DDX43: variants seen among roughly 807,000 people sequenced by gnomAD.
DDX43 encodes the protein probable ATP-dependent RNA helicase DDX43.
DDX43 carries 50 observed loss-of-function variants against 84.9 expected under a neutral mutation model. The ratio of observed to expected loss-of-function variants is 0.59; its 90% confidence interval spans 0.47 to 0.75. The LOEUF (loss-of-function observed/expected upper bound fraction) is 0.75, where lower values mean the gene tolerates loss of function less well. Among genes scored for constraint, DDX43 ranks in the 30% least tolerant of loss-of-function variants. The probability of loss-of-function intolerance (pLI) is 0.00; values close to 1 mark genes in which losing one functional copy is unlikely to be tolerated. For missense variants in DDX43, 689 were observed against 798.6 expected (o/e 0.86, Z 1.65); for synonymous variants, 291 against 266.3 (o/e 1.09, Z -0.90).
Position 73,394,884 on chromosome 6 carries a change from G to A in DDX43, c.-22G>A. 1 of 1,612,280 alleles carries A rather than the reference G, an allele frequency of 6.2e-7. No homozygotes were observed. Among genetic ancestry groups the A allele is most frequent in the Non-Finnish European group, 8.5e-7 (1 of 1,178,880 alleles). On this transcript the variant is annotated 5_prime_UTR_variant, in exon 1 of 17. Coordinates refer to ENST00000370336, the MANE Select transcript of DDX43 (RefSeq NM_018665.3). The stretch of plus-strand genomic sequence containing the variant: ...TGCAGAGCTGGACGGCAACGACGTC[G>A]GACGCGCCCCTTCTTGGAACAATGT...
Position 73,409,173 on chromosome 6 carries a change from A to G in DDX43, c.1180-75A>G, listed in dbSNP as rs1769737673. The G allele has an allele frequency of 6.5e-6, 7 of 1,077,730 alleles. No homozygotes were observed. The Admixed American group carries it at 7.3e-5, about 11-fold the overall frequency. The allele number at this position is 1,077,730 out of a possible 1,614,324, so 66.8% of individuals were successfully genotyped here. A position where few individuals can be genotyped will look rare whatever the true frequency, so the allele number is the denominator to read the frequency against. ...TGAGAAAAGCCTTTCTTAGTGTTCT[A>G]CTAATAAAGAAAGCATATGTATTAT... On this transcript the variant is annotated intron_variant, in intron 9 of 16. Coordinates refer to ENST00000370336, the MANE Select transcript of DDX43 (RefSeq NM_018665.3).
At chr6:73,411,838 C>T (rs1184055820) in intron 10 of DDX43, among the ~76,000 whole-genome samples, 1 of 152,130 alleles carries the variant, frequency 6.6e-6, no homozygotes, top group Non-Finnish European at 1.5e-5. Context: ...GCTGGGATTA[C>T]AGGCGTCCGC....
chr6:73,412,688 TGTGCGCGTGC>T (rs1769822858), intron 11 of DDX43, among the ~76,000 whole-genome samples: 1 of 115,234 alleles, frequency 8.7e-6, no homozygotes, highest in Admixed American at 8.8e-5. Context: ...CGTGTGTGTG[TGTGCGCGTGC>T]GTGCGCACGC....
rs1769640521 is a variant in DDX43, at chr6:73,404,791, A to G, written c.650+20A>G. On this transcript the variant is annotated intron_variant, in intron 5 of 16. Transcript: ENST00000370336. ...TTGGAGGTGGGTAGTTTCATTACCT[A>G]GTTGTGTAAGTATTTGTATAGTTAC... 4.5e-6 allele frequency: 7 copies of G among 1,570,596 alleles called. No individual in the cohort carries two copies. Among genetic ancestry groups the G allele is most frequent in the Non-Finnish European group, 6.1e-6 (7 of 1,144,756 alleles).
chr6:73,409,796 C>T (rs1481748560), intron 10 of DDX43, among the ~76,000 whole-genome samples: 2 of 152,078 alleles, frequency 1.3e-5, no homozygotes, highest in East Asian at 1.9e-4. Flanking sequence ...TTTGGGAGGC[C>T]GAGGTGGGTG....
In DDX43 at chr6:73,413,981, T is replaced by C. The variant is rs202108750; in HGVS notation, c.1508T>C (p.Leu503Ser). ...FVSRKAVADH[L>S]SSDLILGNIS... is the part of the protein sequence containing the mutation. ...ATCTTTTGCTTCAGTGCGGATCACT[T>C]ATCAAGTGACCTAATACTTGGAAAT... The change falls in exon 13 of 17, where the codon TTA (leucine) becomes TCA (serine). Residue 503 changes from leucine to serine, a missense_variant. By Grantham distance (145) the Leu-to-Ser change is moderately radical. Around this residue, in one of 2 missense-constraint regions of DDX43, gnomAD observed 552 missense variants for 692.7 expected, o/e 0.80. Transcript: ENST00000370336. 1 of 1,609,610 alleles carries C rather than the reference T, an allele frequency of 6.2e-7. No homozygotes were observed. The highest frequency in any genetic ancestry group is 2.2e-5 in the East Asian group (1 of 44,806).
At chr6:73,408,439 T>TA (rs1286215193) in intron 9 of DDX43, among the ~76,000 whole-genome samples, 1 of 151,838 alleles carries the variant, frequency 6.6e-6, no homozygotes, top group African/African-American at 2.4e-5. Flanking sequence ...TCTCAAAAAA[T>TA]AAAAAATGAC....
At chr6:73,404,113 G>A (rs1323606339) in intron 4 of DDX43, among the ~76,000 whole-genome samples, 1 of 149,344 alleles carries the variant, frequency 6.7e-6, no homozygotes, top group African/African-American at 2.5e-5. Context: ...AGCCGCCGCC[G>A]CCGGCCCCTT....
In DDX43 at chr6:73,404,657, T is replaced by G. The variant is rs1378409042; in HGVS notation, c.569-33T>G. 4.6e-6 allele frequency: 7 copies of G among 1,509,558 alleles called. No individual in the cohort carries two copies. In the Admixed American group the frequency reaches 1.1e-4, roughly 23 times the overall value. 93.5% of individuals were successfully genotyped at this position (1,509,558 alleles called of 1,614,324 possible). A position where few individuals can be genotyped will look rare whatever the true frequency, so the allele number is the denominator to read the frequency against. ...CTAAGTATTCATGATGCTGTAAAAT[T>G]TATCAAAGTGTGGATTTTCGCCTTT... On this transcript the variant is annotated intron_variant, in intron 4 of 16. Transcript: ENST00000370336.
chr6:73,414,131 G>C (rs748259631), intron 13 of DDX43, 52 bp downstream of exon 13: 12 of 1,131,282 alleles, frequency 1.1e-5, no homozygotes, highest in Non-Finnish European at 1.6e-5. Context: ...TGCAATACCT[G>C]GGCTTGGCTG....
chr6:73,413,759 C>G lies in DDX43; in HGVS notation c.1470C>G (p.Val490=), dbSNP rs1241706410. 1 of 1,613,310 alleles carries G rather than the reference C, an allele frequency of 6.2e-7. No individual in the cohort carries two copies. Among genetic ancestry groups the G allele is most frequent in the Admixed American group, 1.7e-5 (1 of 59,848 alleles). ...FLQSMSSTDK[V]IVFVSRKAVA... ...AGAGTATGTCATCCACAGACAAAGT[C>G]ATTGTCTTCGTTTCTCGAAAAGCTG... The change falls in exon 12 of 17, where the codon GTC becomes GTG. Residue 490 remains valine (V), a synonymous_variant. Transcript: ENST00000370336.
chr6:73,409,228 AT>A lies in DDX43; in HGVS notation c.1180-18del. The A allele has an allele frequency of 6.3e-7, 1 of 1,594,494 alleles. No homozygotes were observed. Among genetic ancestry groups the A allele is most frequent in the Non-Finnish European group, 8.6e-7 (1 of 1,162,120 alleles). ...TGCCTCCCATATCTAATCTAACCAC[AT>A]TCTTTTTTGTCAATGCAGGTTTTAG... On this transcript the variant is annotated intron_variant, in intron 9 of 16. Coordinates refer to ENST00000370336, the MANE Select transcript of DDX43 (RefSeq NM_018665.3).
Position 73,407,547 on chromosome 6 carries a change from T to C in DDX43, c.969T>C (p.Thr323=). 6.2e-7 allele frequency: 1 copy of C among 1,614,044 alleles called. No homozygotes were observed. The highest frequency in any genetic ancestry group is 8.5e-7 in the Non-Finnish European group (1 of 1,179,898). Residue 323 remains threonine, a synonymous_variant, in exon 8 of 17, where the codon ACT becomes ACC. Coordinates refer to ENST00000370336, the MANE Select transcript of DDX43 (RefSeq NM_018665.3). ...ATAGACCCGGCATGTTAGTTCTAAC[T>C]CCCACTCGGGAATTAGCACTTCAAG... The part of the protein sequence containing the change: ...QRNRPGMLVL[T]PTRELALQVE...
intron 14 of DDX43, 28 bp from the exon 15 acceptor site, chr6:73,415,469 A>G: frequency 2.0e-6 from 3 of 1,497,772 alleles, no homozygotes; most frequent in Non-Finnish European, 2.8e-6. Flanking sequence ...AATAATGAAT[A>G]CATGAGTTTT....
intron 2 of DDX43, among the ~76,000 whole-genome samples, chr6:73,398,666 T>C (rs1168021534): frequency 6.6e-6 from 1 of 152,266 alleles, no homozygotes; most frequent in Admixed American, 6.5e-5. Context: ...ATATTCATCA[T>C]GTCCAAAAGG....
chr6:73,405,520 C>T (rs1006000939), intron 5 of DDX43, among the ~76,000 whole-genome samples, 159 bp from the exon 6 acceptor site: 5 of 152,154 alleles, frequency 3.3e-5, no homozygotes, highest in African/African-American at 9.7e-5. Context: ...AGATGGACTC[C>T]TGCTTCTATT....
In DDX43 at chr6:73,406,410, T is replaced by G; in HGVS notation, c.854T>G (p.Val285Gly). 1 of 1,613,578 alleles carries G rather than the reference T, an allele frequency of 6.2e-7. No homozygotes were observed. Among genetic ancestry groups the G allele is most frequent in the South Asian group, 1.1e-5 (1 of 91,038 alleles). The change falls in exon 7 of 17, where the codon GTA becomes GGA. Residue 285 changes from valine to glycine, a missense_variant. Physicochemically the swap from Val to Gly is moderately radical, Grantham distance 109 (BLOSUM62 -3). This residue lies in a region of DDX43 where 552 missense variants were observed against 692.7 expected (regional missense o/e 0.80). Coordinates refer to ENST00000370336, the MANE Select transcript of DDX43 (RefSeq NM_018665.3). ...TTGCAAGGAATAGATCTTATAGGAGTAGCCCAGACTGGAACAGGAAAGACA... is the reference window on the plus strand; with the variant it reads ...TTGCAAGGAATAGATCTTATAGGAGGAGCCCAGACTGGAACAGGAAAGACA... The part of the protein sequence containing the change: ...IVLQGIDLIG[V>G]AQTGTGKTLC...
Position 73,414,207 on chromosome 6 carries a change from T to C in DDX43, c.1606+128T>C, listed in dbSNP as rs1174568675. 1.4e-5 allele frequency: 9 copies of C among 632,908 alleles called. No individual in the cohort carries two copies. In the East Asian group the frequency reaches 2.5e-4, roughly 17 times the overall value. 39.2% of individuals were successfully genotyped at this position (632,908 alleles called of 1,614,324 possible). A position where few individuals can be genotyped will look rare whatever the true frequency, so the allele number is the denominator to read the frequency against. On this transcript the variant is annotated intron_variant, in intron 13 of 16. Coordinates refer to ENST00000370336, the MANE Select transcript of DDX43 (RefSeq NM_018665.3). ...GTCCTCACCTTCTGTATCCTACAACTACACTCATTAGAGCTCTAAACATTA... is the reference window on the plus strand; with the variant it reads ...GTCCTCACCTTCTGTATCCTACAACCACACTCATTAGAGCTCTAAACATTA...
At chr6:73,412,756 A>G (rs1360826604) in intron 11 of DDX43, among the ~76,000 whole-genome samples, 7 of 147,706 alleles carry the variant, frequency 4.7e-5, no homozygotes, top group Non-Finnish European at 8.9e-5. Context: ...TGTGTGTCAG[A>G]GTCTCACTGT....
Sources: allele counts gnomAD v4.1 joint callset (sites outside exome capture counted in the v4.1 genomes callset), GRCh38; gene constraint gnomAD v4.1.1; regional missense constraint gnomAD v4.1.1; transcripts MANE v1.5; gene names NCBI Gene and HGNC (gene_info 2026-07-23, HGNC 2026-07-21).